Variants in RTF2 observed in about 807,000 individuals in gnomAD.
The protein encoded by RTF2 is UPF0549 protein C20orf43.
A neutral mutation model predicts 38.0 loss-of-function variants in RTF2; 18 were observed. The observed-to-expected ratio is 0.47, with a 90% CI of 0.33 to 0.70. RTF2 has a LOEUF of 0.70. Ranked by LOEUF, RTF2 falls within the 30% of genes least tolerant of loss-of-function variation. RTF2 has a pLI of 0.02. For synonymous variants in RTF2, 126 were observed against 137.1 expected (o/e 0.92, Z 0.57); for missense variants, 311 against 379.6 (o/e 0.82, Z 1.50).
Position 56,517,446 on chromosome 20 carries a change from A to T in RTF2, c.742+245A>T, listed in dbSNP as rs114786688. Among the ~76,000 whole-genome samples the T allele has an allele frequency of 4.5e-3, 682 of 152,224 alleles. 6 individuals are homozygous for T. Among genetic ancestry groups the T allele is most frequent in the African/African-American group, 0.016 (654 of 41,532 alleles). On this transcript the variant is annotated intron_variant, in intron 8 of 8. Coordinates refer to ENST00000357348, the MANE Select transcript of RTF2 (RefSeq NM_016407.5). The stretch of plus-strand genomic sequence containing the variant: ...CTGGTTGTTTAGATTCCTGTCGAGT[A>T]AGTGCTTGGTGCCAAGCAAAAGAGG...
chr20:56,477,160 C>T (rs368913433), intron 4 of RTF2, 36 bp downstream of exon 4: 34 of 1,607,218 alleles, frequency 2.1e-5, no homozygotes, highest in Non-Finnish European at 2.9e-5. Flanking sequence ...ATGTGGGAGG[C>T]TGGAGGAATA....
intron 5 of RTF2, among the ~76,000 whole-genome samples, chr20:56,492,491 G>GGGTGGATCACGAGGGCA (rs1983220699): frequency 6.6e-6 from 1 of 150,602 alleles, no homozygotes; most frequent in Non-Finnish European, 1.5e-5. Flanking sequence ...AGGCCGAGGC[G>GGGTGGATCACGAGGGCA]GGAGAATGAC....
At chr20:56,514,907 C>T (rs559140667) in intron 6 of RTF2, among the ~76,000 whole-genome samples, 1 of 152,046 alleles carries the variant, frequency 6.6e-6, no homozygotes, top group Non-Finnish European at 1.5e-5. Flanking sequence ...GGTAGGCGGG[C>T]GTGGTGGCGT....
chr20:56,492,559 T>A (rs1448463464), intron 5 of RTF2, among the ~76,000 whole-genome samples: 3 of 149,864 alleles, frequency 2.0e-5, no homozygotes, highest in Admixed American at 6.6e-5. Flanking sequence ...GTCTGTAATT[T>A]AAAAAAAAAT....
intron 1 of RTF2, chr20:56,470,637 C>T (rs1380376465): frequency 2.2e-6 from 1 of 455,976 alleles, no homozygotes; most frequent in Admixed American, 2.3e-5. Context: ...GCCTGGTCAC[C>T]AGAAACACCA....
At chr20:56,472,492 T>C (rs1982024603) in intron 1 of RTF2, 2 of 797,004 alleles carry the variant, frequency 2.5e-6, no homozygotes, top group African/African-American at 1.7e-5. Flanking sequence ...GTTTGATGTA[T>C]CCCTTAGTGA....
intron 5 of RTF2, among the ~76,000 whole-genome samples, chr20:56,490,918 C>T (rs548471605): frequency 6.6e-6 from 1 of 152,326 alleles, no homozygotes; most frequent in Admixed American, 6.5e-5. Context: ...TGCCCAGGAG[C>T]CCCTGTGGCT....
Position 56,468,709 on chromosome 20 carries a change from C to T in RTF2, c.12C>T (p.Asp4=), listed in dbSNP as rs934939975. The change falls in exon 1 of 9, where the codon GAC becomes GAT. Residue 4 remains aspartate (D), a synonymous_variant. Coordinates refer to ENST00000357348, the MANE Select transcript of RTF2 (RefSeq NM_016407.5). Reference sequence around the variant, plus strand: ...ACTCCCGTCCTGCGATGGGTTGCGACGGGGGAACAATCCCCAAGAGGCATG... The same window carrying T: ...ACTCCCGTCCTGCGATGGGTTGCGATGGGGGAACAATCCCCAAGAGGCATG... MGC[D]GGTIPKRHEL... 2 of 1,584,688 alleles carry T rather than the reference C, an allele frequency of 1.3e-6. No homozygotes were observed. The highest frequency in any genetic ancestry group is 1.7e-6 in the Non-Finnish European group (2 of 1,165,630).
chr20:56,512,414 T>C (rs1410533582), intron 5 of RTF2, among the ~76,000 whole-genome samples: 1 of 152,076 alleles, frequency 6.6e-6, no homozygotes. Context: ...AGGTCATGAT[T>C]AGTGCCATGG....
In RTF2 at chr20:56,468,643, A is replaced by G. The variant is rs186613168; in HGVS notation, c.-55A>G. 7.3e-4 allele frequency: 1,091 copies of G among 1,502,852 alleles called. 7 individuals carry two copies. The African/African-American group carries it at 0.013, about 19-fold the overall frequency. 93.1% of individuals were successfully genotyped at this position (1,502,852 alleles called of 1,614,324 possible). A position where few individuals can be genotyped will look rare whatever the true frequency, so the allele number is the denominator to read the frequency against. On this transcript the variant is annotated 5_prime_UTR_variant, in exon 1 of 9. Transcript: ENST00000357348. ...GAAGTGGCTGCGGATTTCGCCGGAA[A>G]TCCCGGAAGTGACAGCTTTGGGGGT...
intron 5 of RTF2, among the ~76,000 whole-genome samples, chr20:56,502,479 A>G (rs1329036165): frequency 8.5e-5 from 13 of 152,188 alleles, no homozygotes; most frequent in Non-Finnish European, 1.5e-5. Context: ...CAGTTCGTTG[A>G]AGGATATAGT....
intron 5 of RTF2, among the ~76,000 whole-genome samples, chr20:56,489,999 T>C (rs1177641668): frequency 6.6e-6 from 1 of 152,188 alleles, no homozygotes. Context: ...AGTCTTAATA[T>C]TTTCCATATG....
intron 5 of RTF2, among the ~76,000 whole-genome samples, chr20:56,511,741 C>T (rs1272923709): frequency 2.0e-5 from 3 of 152,126 alleles, no homozygotes; most frequent in African/African-American, 7.2e-5. Flanking sequence ...AAAAATGTCT[C>T]CAGACATCGC....
intron 5 of RTF2, among the ~76,000 whole-genome samples, chr20:56,504,543 G>T (rs1481547598): frequency 6.6e-6 from 1 of 152,198 alleles, no homozygotes; most frequent in Admixed American, 6.5e-5. Flanking sequence ...CAAGGCAGGG[G>T]CTGAGCCTTC....
intron 5 of RTF2, among the ~76,000 whole-genome samples, chr20:56,490,276 C>T (rs1347911974): frequency 1.3e-5 from 2 of 152,190 alleles, no homozygotes; most frequent in East Asian, 3.8e-4. Context: ...CCTGTGTTCC[C>T]ATCTTTAAAT....
rs2146385538 is a variant in RTF2 at position 56,517,137 on chromosome 20, G to C, written c.678G>C (p.Gly226=). 6.2e-7 allele frequency: 1 copy of C among 1,614,190 alleles called. No homozygotes were observed. Among genetic ancestry groups the C allele is most frequent in the South Asian group, 1.1e-5 (1 of 91,080 alleles). Residue 226 remains glycine (G), a synonymous_variant, in exon 8 of 9, where the codon GGG becomes GGC. Transcript: ENST00000357348. ...CAGGGCCATCAAAAGTTAAGACAGG[G>C]AAGCCTGAAGAAGCCAGCCTTGATT... ...EAPGPSKVKT[G]KPEEASLDSR...
chr20:56,469,539 G>C (rs1273680191), intron 1 of RTF2, among the ~76,000 whole-genome samples: 1 of 152,210 alleles, frequency 6.6e-6, no homozygotes, highest in Non-Finnish European at 1.5e-5. Context: ...TTCAAAGTTA[G>C]CACAAGTAAT....
chr20:56,513,721 A>AGCACTG lies in RTF2; in HGVS notation c.591+294_591+299dup, dbSNP rs532193292. On this transcript the variant is annotated intron_variant, in intron 6 of 8. Coordinates refer to ENST00000357348, the MANE Select transcript of RTF2 (RefSeq NM_016407.5). ...CAGGCTCCAGAGACCATGGCCATAA[A>AGCACTG]GCACTGACACTGACACGGCCTCAGC... 1.1e-3 allele frequency: 327 copies of AGCACTG among 309,088 alleles called. 1 individual carries two copies. Among genetic ancestry groups the AGCACTG allele is most frequent in the African/African-American group, 6.5e-3 (311 of 47,748 alleles). 19.1% of individuals were successfully genotyped at this position (309,088 alleles called of 1,614,324 possible). A position where few individuals can be genotyped will look rare whatever the true frequency, so the allele number is the denominator to read the frequency against.
intron 5 of RTF2, chr20:56,495,362 C>G: frequency 8.1e-7 from 1 of 1,228,794 alleles, no homozygotes. Context: ...AGTACAAGTT[C>G]TTCTGTGCTA....
Sources: allele counts gnomAD v4.1 joint callset (sites outside exome capture counted in the v4.1 genomes callset), GRCh38; gene constraint gnomAD v4.1.1; transcripts MANE v1.5; gene names NCBI Gene and HGNC (gene_info 2026-07-23, HGNC 2026-07-21).